BCL7A: variants seen among roughly 807,000 people sequenced by gnomAD.
The protein encoded by BCL7A is BAF chromatin remodeling complex subunit BCL7A.
A neutral mutation model predicts 28.4 loss-of-function variants in BCL7A; 11 were observed. That is an observed-to-expected ratio of 0.39 (90% CI 0.24 to 0.64). The LOEUF is 0.64. Ranked by LOEUF, BCL7A falls within the 30% of genes least tolerant of loss-of-function variation. The pLI is 0.50. For synonymous variants in BCL7A, 123 were observed against 103.3 expected (o/e 1.19, Z -1.15); for missense variants, 222 against 274.8 (o/e 0.81, Z 1.36).
At chr12:122,022,264 C>G in intron 1 of BCL7A, 81 bp downstream of exon 1, 1 of 812,720 alleles carries the variant, frequency 1.2e-6, no homozygotes, top group South Asian at 5.4e-5. Context: ...CGGGGCGCAG[C>G]GCCCCGGCCG....
chr12:122,056,985 C>G (rs922223128), intron 5 of BCL7A, among the ~76,000 whole-genome samples: 3 of 152,184 alleles, frequency 2.0e-5, no homozygotes, highest in African/African-American at 7.2e-5. Context: ...CCACCATGGA[C>G]CAGGGGCTAT....
chr12:122,022,621 A>G (rs2135833388), intron 1 of BCL7A, among the ~76,000 whole-genome samples: 1 of 144,738 alleles, frequency 6.9e-6, no homozygotes, highest in South Asian at 2.1e-4. Context: ...TCCATTGTGC[A>G]GGCTCCGAGC....
At position 122,021,931 on chromosome 12, in the gene BCL7A, T is replaced by TGG; in HGVS notation, c.-160_-159insGG. ...GCCCCGGGCTTTGTGTGTGTGTGTA[T>TGG]GTGTGTGTGTGTGTGTGTGTGTGTG... On this transcript the variant is annotated 5_prime_UTR_variant, in exon 1 of 6. The change abolishes the stop of an existing upstream ORF in the 5' untranslated region. Coordinates refer to ENST00000261822, the MANE Select transcript of BCL7A (RefSeq NM_001024808.3). 9.7e-6 allele frequency: 4 copies of TGG among 411,642 alleles called. No individual in the cohort carries two copies. The highest frequency in any genetic ancestry group is 1.8e-5 in the Non-Finnish European group (4 of 226,958). 25.5% of individuals were successfully genotyped at this position (411,642 alleles called of 1,614,324 possible).
chr12:122,057,585 T>C (rs1846692806), intron 5 of BCL7A, among the ~76,000 whole-genome samples: 1 of 151,956 alleles, frequency 6.6e-6, no homozygotes. Flanking sequence ...CCTGGGTCTT[T>C]CTCCCAGGCT....
At chr12:122,044,808 A>G (rs190902519) in intron 4 of BCL7A, among the ~76,000 whole-genome samples, 19 of 152,312 alleles carry the variant, frequency 1.2e-4, no homozygotes, top group South Asian at 4.1e-4. Context: ...CCTGGGTGAC[A>G]GAGTGAGACC....
At chr12:122,022,715 C>T (rs2135833518) in intron 1 of BCL7A, among the ~76,000 whole-genome samples, 1 of 149,272 alleles carries the variant, frequency 6.7e-6, no homozygotes, top group East Asian at 2.0e-4. Flanking sequence ...CGGCCGCCCG[C>T]TCCCGCCTCC....
intron 2 of BCL7A, 76 bp from the exon 3 acceptor site, chr12:122,035,255 C>T (rs1456432417): frequency 7.4e-7 from 1 of 1,354,290 alleles, no homozygotes; most frequent in South Asian, 1.2e-5. Context: ...ATTCACACCA[C>T]TCCCCAGGGG....
intron 1 of BCL7A, 85 bp from the exon 2 acceptor site, chr12:122,030,615 C>T (rs1269196299): frequency 8.6e-6 from 11 of 1,273,452 alleles, no homozygotes; most frequent in Admixed American, 1.7e-5. Context: ...TGATCTGGAG[C>T]TTGCTCTCAG....
intron 1 of BCL7A, among the ~76,000 whole-genome samples, chr12:122,022,826 G>C (rs1883498214): frequency 6.6e-6 from 1 of 151,990 alleles, no homozygotes; most frequent in African/African-American, 2.4e-5. Flanking sequence ...GACCAGGAAA[G>C]ATGGGGGCGA....
At chr12:122,022,440 C>A (rs1883485518) in intron 1 of BCL7A, among the ~76,000 whole-genome samples, 2 of 144,624 alleles carry the variant, frequency 1.4e-5, no homozygotes, top group East Asian at 2.1e-4. Context: ...AGGCGGCGGG[C>A]GCCGGGGCCA....
intron 5 of BCL7A, among the ~76,000 whole-genome samples, chr12:122,056,303 C>T (rs928900139): frequency 1.3e-5 from 2 of 152,060 alleles, no homozygotes; most frequent in African/African-American, 2.4e-5. Flanking sequence ...AATGCTCCCC[C>T]GCAGTACCTG....
At chr12:122,036,545 G>C (rs75992055) in intron 3 of BCL7A, among the ~76,000 whole-genome samples, 237 of 152,240 alleles carry the variant, frequency 1.6e-3, no homozygotes, top group Admixed American at 2.7e-3. Context: ...ACGTGCAAAT[G>C]ATGTGTGTAT....
chr12:122,026,125 G>T (rs1883624415), intron 1 of BCL7A, among the ~76,000 whole-genome samples: 1 of 151,610 alleles, frequency 6.6e-6, no homozygotes, highest in Non-Finnish European at 1.5e-5. Flanking sequence ...AAATTAGCCG[G>T]GAGTGGTGGC....
intron 5 of BCL7A, among the ~76,000 whole-genome samples, chr12:122,058,792 G>C (rs1266181638): frequency 4.6e-5 from 7 of 152,142 alleles, no homozygotes; most frequent in South Asian, 2.1e-4. Context: ...GAGAGCCTAG[G>C]GTCCAAGGCA....
At chr12:122,046,653 T>G (rs1884082408) in intron 4 of BCL7A, among the ~76,000 whole-genome samples, 1 of 152,196 alleles carries the variant, frequency 6.6e-6, no homozygotes, top group South Asian at 2.1e-4. Flanking sequence ...AGTATCATTT[T>G]TTAAATTTGA....
Position 122,061,987 on chromosome 12 carries a change from A to T in BCL7A, c.*2824A>T, listed in dbSNP as rs371329365. The T allele has an allele frequency of 8.9e-5, 17 of 190,726 alleles. No homozygotes were observed. Among genetic ancestry groups the T allele is most frequent in the East Asian group, 5.0e-4 (6 of 12,046 alleles). The allele number at this position is 190,726 out of a possible 1,614,324, so 11.8% of individuals were successfully genotyped here. A position where few individuals can be genotyped will look rare whatever the true frequency, so the allele number is the denominator to read the frequency against. The stretch of plus-strand genomic sequence containing the variant: ...TCACTTATTTATTCCATCAGTAGAT[A>T]TGGTTTGTACAATGTACAATTGTTT... On this transcript the variant is annotated 3_prime_UTR_variant, in exon 6 of 6. Coordinates refer to ENST00000261822, the MANE Select transcript of BCL7A (RefSeq NM_001024808.3).
chr12:122,050,737 A>G (rs1160100044), intron 4 of BCL7A, among the ~76,000 whole-genome samples: 2 of 152,230 alleles, frequency 1.3e-5, no homozygotes, highest in East Asian at 3.9e-4. Flanking sequence ...TGGAGGCTGC[A>G]GTGAGCCATG....
chr12:122,022,052 G>T lies in BCL7A; in HGVS notation c.-40G>T. 1 of 1,511,256 alleles carries T rather than the reference G, an allele frequency of 6.6e-7. No individual in the cohort carries two copies. The highest frequency in any genetic ancestry group is 8.9e-7 in the Non-Finnish European group (1 of 1,122,312). The allele number at this position is 1,511,256 out of a possible 1,614,324, so 93.6% of individuals were successfully genotyped here. A position where few individuals can be genotyped will look rare whatever the true frequency, so the allele number is the denominator to read the frequency against. ...CCGCCGCGGAGCGCGAGCAGGACCC[G>T]GCGGGCGCGCTCCCCAGCCTCCGTC... On this transcript the variant is annotated 5_prime_UTR_variant, in exon 1 of 6. Transcript: ENST00000261822.
intron 1 of BCL7A, among the ~76,000 whole-genome samples, chr12:122,023,630 C>G (rs1883531325): frequency 3.3e-5 from 5 of 152,164 alleles, no homozygotes; most frequent in Admixed American, 3.3e-4. Flanking sequence ...ATTTTCAGAA[C>G]CGTGAGAAGG....
Sources: allele counts gnomAD v4.1 joint callset (sites outside exome capture counted in the v4.1 genomes callset), GRCh38; gene constraint gnomAD v4.1.1; transcripts MANE v1.5; gene names NCBI Gene and HGNC (gene_info 2026-07-23, HGNC 2026-07-21).